ZNF723: variants seen among roughly 807,000 people sequenced by gnomAD.
ZNF723 encodes zinc finger protein 723, also known as zinc finger protein 723, pseudogene.
ZNF723 carries 5 observed loss-of-function variants against 9.4 expected under a neutral mutation model. The observed-to-expected ratio is 0.53, with a 90% confidence interval of 0.28 to 1.12. ZNF723 has a LOEUF of 1.12. Among genes scored for constraint, ZNF723 ranks in the 50% most tolerant of loss-of-function variants. ZNF723 has a pLI of 0.10. For missense variants in ZNF723, 450 were observed against 501.5 expected (o/e 0.90, Z 0.98); for synonymous variants, 158 against 168.8 (o/e 0.94, Z 0.49).
intron 1 of ZNF723, among the ~76,000 whole-genome samples, chr19:22,838,429 G>A (rs1298347991): frequency 1.3e-5 from 2 of 152,038 alleles, no homozygotes; most frequent in Admixed American, 1.3e-4. Context: ...GCACACGCCT[G>A]TAATCCCAGC....
intron 1 of ZNF723, among the ~76,000 whole-genome samples, chr19:22,839,877 T>C (rs1280309039): frequency 6.6e-6 from 1 of 152,146 alleles, no homozygotes; most frequent in Admixed American, 6.5e-5. Context: ...TAATGATGAG[T>C]ATTTTTTTTC....
At chr19:22,824,843 G>A in the ZNF723 span, among the ~76,000 whole-genome samples, 1 of 152,148 alleles carries the variant, frequency 6.6e-6, no homozygotes, top group South Asian at 2.1e-4. Flanking sequence ...CCAACTGACA[G>A]GTGTAATGAT....
At chr19:22,855,595 G>T (rs1599481515) in intron 3 of ZNF723, among the ~76,000 whole-genome samples, 1 of 152,070 alleles carries the variant, frequency 6.6e-6, no homozygotes, top group Non-Finnish European at 1.5e-5. Context: ...TATGTATAGG[G>T]CACATGCAGT....
At position 22,857,553 on chromosome 19, in the gene ZNF723, G is replaced by T. The variant is rs988535526; in HGVS notation, c.662G>T (p.Arg221Ile). ...CCCTCAAAGCTTAATAATCATAAGA[G>T]AATTCATACTGGAGAGAAACCCTAC... ...SVPSKLNNHK[R>I]IHTGEKPYKC... The change falls in exon 4 of 4, where the codon AGA becomes ATA. Residue 221 changes from arginine (R) to isoleucine (I), a missense_variant. Physicochemically the swap from Arg to Ile is moderately conservative, Grantham distance 97. Around this residue, in one of 5 missense-constraint regions of ZNF723, gnomAD observed 237 missense variants for 332.2 expected, o/e 0.71. Coordinates refer to ENST00000600766, the MANE Select transcript of ZNF723 (RefSeq NM_001349726.2). The T allele has an allele frequency of 1.5e-6, 2 of 1,333,826 alleles. No individual in the cohort carries two copies. The highest frequency in any genetic ancestry group is 2.3e-5 in the East Asian group (1 of 43,544). 82.6% of individuals were successfully genotyped at this position (1,333,826 alleles called of 1,614,324 possible). A position where few individuals can be genotyped will look rare whatever the true frequency, so the allele number is the denominator to read the frequency against.
At position 22,857,882 on chromosome 19, in the gene ZNF723, C is replaced by T. The variant is rs1967504741; in HGVS notation, c.991C>T (p.His331Tyr). Reference sequence around the variant, plus strand: ...TAACCAGCCCTCACACCTTGCTACACATAAGAGAATTCATACTGGAGAGAA... The same window carrying T: ...TAACCAGCCCTCACACCTTGCTACATATAAGAGAATTCATACTGGAGAGAA... ...AFNQPSHLAT[H>Y]KRIHTGEKLY... The change falls in exon 4 of 4, where the codon CAT (histidine) becomes TAT (tyrosine). Residue 331 changes from histidine (H) to tyrosine (Y), a missense_variant. By Grantham distance (83) the His-to-Tyr change is moderately conservative. Coordinates refer to ENST00000600766, the MANE Select transcript of ZNF723 (RefSeq NM_001349726.2). 2 of 1,419,266 alleles carry T rather than the reference C, an allele frequency of 1.4e-6. No homozygotes were observed. Among genetic ancestry groups the T allele is most frequent in the East Asian group, 2.3e-5 (1 of 43,874 alleles). The allele number at this position is 1,419,266 out of a possible 1,614,324, so 87.9% of individuals were successfully genotyped here. A position where few individuals can be genotyped will look rare whatever the true frequency, so the allele number is the denominator to read the frequency against.
upstream of ZNF723, among the ~76,000 whole-genome samples, chr19:22,829,545 A>G: frequency 6.6e-6 from 1 of 152,168 alleles, no homozygotes; most frequent in East Asian, 1.9e-4. Context: ...TCGGCCTTCC[A>G]AAGTGCTGGG....
At chr19:22,856,385 C>T (rs1481491929) in intron 3 of ZNF723, among the ~76,000 whole-genome samples, 3 of 152,052 alleles carry the variant, frequency 2.0e-5, no homozygotes, top group African/African-American at 4.8e-5. Flanking sequence ...CCATTTCACT[C>T]GTTGAGTATT....
the ZNF723 span, among the ~76,000 whole-genome samples, chr19:22,823,879 G>A: frequency 1.3e-5 from 2 of 152,182 alleles, no homozygotes; most frequent in African/African-American, 4.8e-5. Flanking sequence ...CAGCACCTAT[G>A]TGATGTACTT....
intron 1 of ZNF723, among the ~76,000 whole-genome samples, chr19:22,837,676 C>A (rs896898928): frequency 1.3e-5 from 2 of 152,080 alleles, no homozygotes; most frequent in Non-Finnish European, 2.9e-5. Flanking sequence ...TGATGACAGA[C>A]CCCATTTTTC....
chr19:22,852,257 C>T (rs1056791198), intron 3 of ZNF723, among the ~76,000 whole-genome samples: 12 of 152,028 alleles, frequency 7.9e-5, no homozygotes, highest in African/African-American at 2.2e-4. Context: ...TAGTGTTTTA[C>T]AATTTTGTTT....
At chr19:22,849,993 T>C (rs1967369886) in intron 3 of ZNF723, among the ~76,000 whole-genome samples, 1 of 152,092 alleles carries the variant, frequency 6.6e-6, no homozygotes, top group Admixed American at 6.6e-5. Context: ...TATGTGAGAG[T>C]AGTGGTTTCT....
At chr19:22,822,772 G>A in the ZNF723 span, among the ~76,000 whole-genome samples, 1 of 152,186 alleles carries the variant, frequency 6.6e-6, no homozygotes, top group East Asian at 1.9e-4. Flanking sequence ...TGAGGCAGGA[G>A]AATTGCGTGA....
chr19:22,852,161 TTTTC>T (rs1599479829), intron 3 of ZNF723, among the ~76,000 whole-genome samples: 2 of 152,164 alleles, frequency 1.3e-5, no homozygotes, highest in Admixed American at 6.6e-5. Context: ...CTGTATTACT[TTTTC>T]TTTTATAGTC....
At chr19:22,851,492 T>C (rs1470950802) in intron 3 of ZNF723, among the ~76,000 whole-genome samples, 3 of 152,186 alleles carry the variant, frequency 2.0e-5, no homozygotes, top group African/African-American at 7.2e-5. Flanking sequence ...TTCATGATGC[T>C]GTCCAGCATG....
intron 3 of ZNF723, among the ~76,000 whole-genome samples, chr19:22,850,757 G>GT (rs989624241): frequency 6.6e-6 from 1 of 151,928 alleles, no homozygotes; most frequent in East Asian, 1.9e-4. Context: ...TTTTAGATAC[G>GT]TTTTTTCTCA....
chr19:22,820,027 G>A, the ZNF723 span, among the ~76,000 whole-genome samples: 3 of 152,058 alleles, frequency 2.0e-5, no homozygotes, highest in African/African-American at 7.2e-5. Flanking sequence ...ATGCCAAAAG[G>A]GGGGATTGTA....
chr19:22,814,134 C>T, the ZNF723 span, among the ~76,000 whole-genome samples: 4 of 152,196 alleles, frequency 2.6e-5, no homozygotes, highest in Admixed American at 2.0e-4. Flanking sequence ...TTAAATGAAG[C>T]TCATAGGAAG....
chr19:22,856,989 G>A (rs1967488090), intron 3 of ZNF723, 129 bp from the exon 4 acceptor site: 2 of 466,682 alleles, frequency 4.3e-6, no homozygotes, highest in African/African-American at 2.0e-5. Context: ...TGTCTATGAA[G>A]TAATTATGGC....
the ZNF723 span, among the ~76,000 whole-genome samples, chr19:22,824,348 C>G: frequency 1.1e-4 from 17 of 151,974 alleles, no homozygotes; most frequent in African/African-American, 4.1e-4. Flanking sequence ...CTTTCTTGAT[C>G]CTGCTCATAG....
Sources: gnomAD v4.1 joint callset for allele counts (sites outside exome capture counted in the v4.1 genomes callset) on GRCh38, gnomAD v4.1.1 for gene constraint, gnomAD v4.1.1 regional missense constraint, MANE v1.5 for transcripts, NCBI Gene and HGNC (gene_info 2026-07-23, HGNC 2026-07-21) for gene names.